DSCAM: variants seen among roughly 807,000 people sequenced by gnomAD.
DSCAM encodes the protein cell adhesion molecule DSCAM.
A neutral mutation model predicts 217.7 loss-of-function variants in DSCAM; 47 were observed. The observed-to-expected ratio is 0.22, with a 90% CI of 0.17 to 0.28. The LOEUF (loss-of-function observed/expected upper bound fraction) is 0.28, where lower values mean the gene tolerates loss of function less well. Among genes scored for constraint, DSCAM ranks in the 10% least tolerant of loss-of-function variants. The pLI is 1.00. For synonymous variants in DSCAM, 1,056 were observed against 1,015.3 expected (o/e 1.04, Z -0.76); for missense variants, 2,080 against 2,618.3 (o/e 0.79, Z 4.49).
intron 27 of DSCAM, among the ~76,000 whole-genome samples, chr21:40,073,167 C>T (rs144123824): frequency 1.3e-3 from 199 of 151,866 alleles, no homozygotes; most frequent in African/African-American, 4.4e-3. Context: ...TGCTCAAGTT[C>T]GAAGGTGAGT....
chr21:40,572,760 T>C (rs2076818147), intron 3 of DSCAM, among the ~76,000 whole-genome samples: 1 of 152,128 alleles, frequency 6.6e-6, no homozygotes, highest in Non-Finnish European at 1.5e-5. Flanking sequence ...GATACAAAAC[T>C]TGACAGCACT....
At chr21:40,141,237 C>A (rs1271350897) in intron 18 of DSCAM, among the ~76,000 whole-genome samples, 4 of 152,148 alleles carry the variant, frequency 2.6e-5, no homozygotes, top group Non-Finnish European at 4.4e-5. Context: ...TGGTCCTGAG[C>A]AGGGAAGGGA....
At position 40,061,496 on chromosome 21, in the gene DSCAM, G is replaced by A. The variant is rs533853288; in HGVS notation, c.4919+1373C>T. 3.3e-3 allele frequency among the ~76,000 whole-genome samples: 504 copies of A among 151,334 alleles called. 5 individuals carry two copies. Among genetic ancestry groups the A allele is most frequent in the African/African-American group, 0.012 (485 of 41,170 alleles). ...AGGCAGGAAAATCGCTTGAACCTCT[G>A]AGGCGGAGGTTGCAGTGAGCCAAGA... On this transcript the variant is annotated intron_variant, in intron 28 of 32. Coordinates refer to ENST00000400454, the MANE Select transcript of DSCAM (RefSeq NM_001389.5).
At chr21:40,029,527 G>T (rs188707251) in intron 32 of DSCAM, among the ~76,000 whole-genome samples, 329 of 151,970 alleles carry the variant, frequency 2.2e-3, no homozygotes, top group Admixed American at 3.5e-3. Context: ...TTAATTTTAG[G>T]ATCCATTCAT....
chr21:40,081,599 C>A (rs1403413328), intron 24 of DSCAM, among the ~76,000 whole-genome samples: 1 of 152,156 alleles, frequency 6.6e-6, no homozygotes, highest in East Asian at 1.9e-4. Context: ...AGCCACATCC[C>A]AGCCTGTATT....
At chr21:40,537,937 G>A (rs1019239724) in intron 3 of DSCAM, among the ~76,000 whole-genome samples, 1 of 152,218 alleles carries the variant, frequency 6.6e-6, no homozygotes, top group Non-Finnish European at 1.5e-5. Context: ...CTCCTTCCAT[G>A]TGGTTTTGGA....
rs77492972 is a variant in DSCAM, at chr21:40,606,681, C to T, written c.508+86129G>A. On this transcript the variant is annotated intron_variant, in intron 3 of 32. Transcript: ENST00000400454. The stretch of plus-strand genomic sequence containing the variant: ...TAGCTGAGCAGCCCACTTCTGTATG[C>T]GAGCTCACAGCTCAGAGCAAATGTA... Among the ~76,000 whole-genome samples, 535 of 152,272 alleles carry T rather than the reference C, an allele frequency of 3.5e-3. 30 individuals carry two copies. In the East Asian group the frequency reaches 0.087, roughly 25 times the overall value.
chr21:40,067,344 C>T (rs1184697205), intron 27 of DSCAM, among the ~76,000 whole-genome samples: 2 of 152,190 alleles, frequency 1.3e-5, no homozygotes, highest in Non-Finnish European at 1.5e-5. Flanking sequence ...CTCTAATTTA[C>T]ATTTGATTGT....
chr21:40,145,580 C>A (rs12151971), intron 16 of DSCAM, among the ~76,000 whole-genome samples: 65,043 of 151,930 alleles, frequency 0.43, 17,151 homozygotes, highest in South Asian at 0.59. Flanking sequence ...CGCGGTGGCT[C>A]ACACCTGTAA....
intron 3 of DSCAM, among the ~76,000 whole-genome samples, chr21:40,612,857 G>A (rs1431907184): frequency 6.6e-6 from 1 of 152,104 alleles, no homozygotes; most frequent in Admixed American, 6.5e-5. Context: ...AACCCTCCCT[G>A]TCTTGGTAGG....
intron 1 of DSCAM, among the ~76,000 whole-genome samples, chr21:40,824,980 C>T (rs746319205): frequency 1.3e-5 from 2 of 152,178 alleles, no homozygotes; most frequent in East Asian, 1.9e-4. Flanking sequence ...TCTGTATGTC[C>T]GACATGGTGG....
chr21:40,665,527 A>G (rs937857060), intron 3 of DSCAM, among the ~76,000 whole-genome samples: 1 of 152,142 alleles, frequency 6.6e-6, no homozygotes, highest in Non-Finnish European at 1.5e-5. Context: ...GTCACTTTCC[A>G]GGGCATAAAT....
chr21:40,180,374 T>C (rs1470988035), intron 14 of DSCAM, among the ~76,000 whole-genome samples: 2 of 152,160 alleles, frequency 1.3e-5, no homozygotes, highest in Non-Finnish European at 2.9e-5. Context: ...TGAAGCCTAA[T>C]AGAATCTGAC....
In DSCAM at chr21:40,446,595, A is replaced by G. The variant is rs114132407; in HGVS notation, c.509-77350T>C. Among the ~76,000 whole-genome samples, 385 of 152,260 alleles carry G rather than the reference A, an allele frequency of 2.5e-3. 1 individual carries two copies. Among genetic ancestry groups the G allele is most frequent in the African/African-American group, 8.9e-3 (369 of 41,540 alleles). On this transcript the variant is annotated intron_variant, in intron 3 of 32. Transcript: ENST00000400454. ...TTCTGTCAATATTAAAACCAGCAAA[A>G]AAGCAAATGTGTTTAGTGTGTGGTT...
chr21:40,083,926 C>T lies in DSCAM; in HGVS notation c.4213G>A (p.Gly1405Arg), dbSNP rs775697152. Residue 1405 changes from glycine (G) to arginine (R), a missense_variant, in exon 24 of 33, where the codon GGG becomes AGG. By Grantham distance (125) the Gly-to-Arg change is moderately radical (BLOSUM62 -2). Coordinates refer to ENST00000400454, the MANE Select transcript of DSCAM (RefSeq NM_001389.5). ...ITLSWLPGDN[G>R]GSSIRGYILQ... ...TTATTACCTCTGATAGAGCTGCCCC[C>T]GTTGTCTCCAGGGAGCCAAGAAAGG... is the stretch of plus-strand genomic sequence containing the variant. 6.2e-6 allele frequency: 10 copies of T among 1,613,292 alleles called. No individual in the cohort carries two copies. The highest frequency in any genetic ancestry group is 5.0e-5 in the Admixed American group (3 of 59,890).
At chr21:40,381,040 G>A (rs2075016816) in intron 3 of DSCAM, among the ~76,000 whole-genome samples, 1 of 130,664 alleles carries the variant, frequency 7.7e-6, no homozygotes, top group Non-Finnish European at 1.6e-5. Flanking sequence ...TCCAGCCTGG[G>A]CGACAGAGCG....
At chr21:40,490,216 C>T (rs568622124) in intron 3 of DSCAM, among the ~76,000 whole-genome samples, 3 of 152,298 alleles carry the variant, frequency 2.0e-5, no homozygotes, top group South Asian at 2.1e-4. Flanking sequence ...TGCCGGGCCC[C>T]TCCCATGACA....
intron 3 of DSCAM, among the ~76,000 whole-genome samples, chr21:40,449,207 T>G (rs1409037672): frequency 6.6e-6 from 1 of 152,140 alleles, no homozygotes; most frequent in Non-Finnish European, 1.5e-5. Context: ...TAATAGAGGA[T>G]AAACTCTCTA....
intron 3 of DSCAM, among the ~76,000 whole-genome samples, chr21:40,433,026 A>G (rs1241035236): frequency 6.6e-6 from 1 of 152,128 alleles, no homozygotes; most frequent in African/African-American, 2.4e-5. Flanking sequence ...TACAGATACA[A>G]AAAAAATCAG....
Sources: gnomAD v4.1 joint callset for allele counts (sites outside exome capture counted in the v4.1 genomes callset) on GRCh38, gnomAD v4.1.1 for gene constraint, MANE v1.5 for transcripts, NCBI Gene and HGNC (gene_info 2026-07-23, HGNC 2026-07-21) for gene names.